SLC6A18: variants seen among roughly 807,000 people sequenced by gnomAD.
The protein encoded by SLC6A18 is solute carrier family 6 member 18, also known as inactive sodium-dependent neutral amino acid transporter B(0)AT3.
Under a neutral mutation model 62.9 loss-of-function variants are expected in SLC6A18, and 58 were observed. That is an observed-to-expected ratio of 0.92 (90% CI 0.75 to 1.15). The LOEUF is 1.15. SLC6A18 is among the 50% of genes most tolerant of loss of function. SLC6A18 has a pLI of 0.00. For missense variants in SLC6A18, 793 were observed against 836.6 expected (o/e 0.95, Z 0.64); for synonymous variants, 382 against 365.8 (o/e 1.04, Z -0.51).
At chr5:1,245,371 T>G (rs1196887997) in intron 11 of SLC6A18, among the ~76,000 whole-genome samples, 1 of 152,064 alleles carries the variant, frequency 6.6e-6, no homozygotes, top group Non-Finnish European at 1.5e-5. Flanking sequence ...ATGCCACCCC[T>G]TCTCGGGAAT....
At chr5:1,227,630 C>T (rs531927443) in intron 1 of SLC6A18, among the ~76,000 whole-genome samples, 1 of 152,342 alleles carries the variant, frequency 6.6e-6, no homozygotes, top group South Asian at 2.1e-4. Flanking sequence ...ATATTATTTG[C>T]TCTCCCATTC....
At chr5:1,239,645 G>C in intron 6 of SLC6A18, 83 bp downstream of exon 6, 1 of 1,091,680 alleles carries the variant, frequency 9.2e-7, no homozygotes, top group Non-Finnish European at 1.4e-6. Context: ...TCACACTGTG[G>C]ATCCAAGGGT....
chr5:1,229,460 C>T (rs1282223600), intron 1 of SLC6A18, among the ~76,000 whole-genome samples: 1 of 152,258 alleles, frequency 6.6e-6, no homozygotes, highest in Non-Finnish European at 1.5e-5. Flanking sequence ...TGACCTCAGC[C>T]TGGTCACCTG....
At position 1,246,048 on chromosome 5, in the gene SLC6A18, G is replaced by T. The variant is rs777309236; in HGVS notation, c.1857G>T (p.Thr619=). ...MRPDTDTRPD[T]DMRPDTDMR is the part of the protein sequence containing the mutation. ...CGGACACGGACACGCGCCCAGACAC[G>T]GACATGCGCCCGGACACGGACATGC... is the stretch of plus-strand genomic sequence containing the variant. The change falls in exon 12 of 12, where the codon ACG becomes ACT. Residue 619 remains threonine, a synonymous_variant. Transcript: ENST00000324642. 44 of 1,590,038 alleles carry T rather than the reference G, an allele frequency of 2.8e-5. No homozygotes were observed. The highest frequency in any genetic ancestry group is 3.6e-5 in the Non-Finnish European group (42 of 1,174,164).
rs774420283 is a variant in SLC6A18 at position 1,244,678 on chromosome 5, G to T, written c.1567G>T (p.Val523Phe). The T allele has an allele frequency of 6.2e-7, 1 of 1,613,048 alleles. No individual in the cohort carries two copies. The highest frequency in any genetic ancestry group is 8.5e-7 in the Non-Finnish European group (1 of 1,179,280). Residue 523 changes from valine (V) to phenylalanine (F), a missense_variant, in exon 11 of 12, where the codon GTC becomes TTC. Val to Phe is a conservative substitution (Grantham distance 50). Coordinates refer to ENST00000324642, the MANE Select transcript of SLC6A18 (RefSeq NM_182632.3). ...CTACTGGCGGCTGACCTGGAGGGTGGTCAGTCCCCTGCTGCTGACCATCTT... is the reference window on the plus strand; with the variant it reads ...CTACTGGCGGCTGACCTGGAGGGTGTTCAGTCCCCTGCTGCTGACCATCTT... Reference protein sequence around the residue: ...SPYWRLTWRVVSPLLLTIFVA... With the variant: ...SPYWRLTWRVFSPLLLTIFVA...
At position 1,233,948 on chromosome 5, in the gene SLC6A18, A is replaced by G. The variant is rs541239402; in HGVS notation, c.439+1060A>G. 1.8e-4 allele frequency among the ~76,000 whole-genome samples: 28 copies of G among 152,148 alleles called. No homozygotes were observed. The East Asian group carries it at 3.7e-3, about 20-fold the overall frequency. ...AGTAGAGACGGGGTTTCACCATGTT[A>G]GCCAGGATGGTCTCGATCTCCTGAC... On this transcript the variant is annotated intron_variant, in intron 3 of 11. Transcript: ENST00000324642.
At chr5:1,238,468 G>A (rs79920675) in intron 5 of SLC6A18, among the ~76,000 whole-genome samples, 33 of 51,606 alleles carry the variant, frequency 6.4e-4, no homozygotes, top group Non-Finnish European at 9.8e-4. Flanking sequence ...CAGGAAAGAG[G>A]TCAGGTTTGG....
chr5:1,236,808 C>T (rs1746894201), intron 4 of SLC6A18, among the ~76,000 whole-genome samples: 1 of 152,016 alleles, frequency 6.6e-6, no homozygotes, highest in African/African-American at 2.4e-5. Context: ...TGTGCAGTGT[C>T]TCAGTGTGCT....
chr5:1,242,419 GCGTC>G (rs1333841795), intron 7 of SLC6A18, among the ~76,000 whole-genome samples: 4 of 89,176 alleles, frequency 4.5e-5, no homozygotes, highest in African/African-American at 1.8e-4. Context: ...GGGGCAGGAG[GCGTC>G]CACACGATCC....
intron 1 of SLC6A18, among the ~76,000 whole-genome samples, chr5:1,226,236 G>A (rs1476580047): frequency 6.6e-6 from 1 of 152,180 alleles, no homozygotes; most frequent in African/African-American, 2.4e-5. Context: ...GACTGAAATA[G>A]GCTCCCACGC....
chr5:1,239,273 G>A (rs963640434), intron 5 of SLC6A18, among the ~76,000 whole-genome samples, 177 bp from the exon 6 acceptor site: 1 of 152,220 alleles, frequency 6.6e-6, no homozygotes, highest in East Asian at 1.9e-4. Context: ...GCCGTGTACA[G>A]AGCTGCCACT....
chr5:1,245,618 T>G (rs947338549), intron 11 of SLC6A18, among the ~76,000 whole-genome samples: 9 of 152,110 alleles, frequency 5.9e-5, no homozygotes, highest in African/African-American at 2.2e-4. Flanking sequence ...TAGGCCTACC[T>G]CGGGGAGGCC....
chr5:1,240,757 C>A, intron 7 of SLC6A18, 98 bp downstream of exon 7: 1 of 1,525,824 alleles, frequency 6.6e-7, no homozygotes, highest in South Asian at 1.2e-5. Context: ...GTGGCGTGGG[C>A]ACATTTCATT....
In SLC6A18 at chr5:1,243,845, G is replaced by T. The variant is rs550462743; in HGVS notation, c.1336+86G>T. 4.6e-5 allele frequency: 60 copies of T among 1,300,514 alleles called. No individual in the cohort carries two copies. The East Asian group carries it at 1.3e-3, about 28-fold the overall frequency. 80.6% of individuals were successfully genotyped at this position (1,300,514 alleles called of 1,614,324 possible). Reference sequence around the variant, plus strand: ...GCCCGCTGTCCAGACGCCCCTCCTGGATGGAGAGCGCAAGGGGCCAAGCCT... The same window carrying T: ...GCCCGCTGTCCAGACGCCCCTCCTGTATGGAGAGCGCAAGGGGCCAAGCCT... On this transcript the variant is annotated intron_variant, in intron 9 of 11. Coordinates refer to ENST00000324642, the MANE Select transcript of SLC6A18 (RefSeq NM_182632.3). The surrounding 1 kb of genome is among the most constrained non-coding windows in gnomAD (Gnocchi z 6.5).
intron 4 of SLC6A18, among the ~76,000 whole-genome samples, chr5:1,237,062 C>A (rs558945721): frequency 6.8e-6 from 1 of 147,972 alleles, no homozygotes; most frequent in Non-Finnish European, 1.5e-5. Context: ...AGTGACACCC[C>A]GTGTCTACTA....
intron 3 of SLC6A18, among the ~76,000 whole-genome samples, chr5:1,234,823 A>T (rs1445345708): frequency 6.6e-6 from 1 of 152,222 alleles, no homozygotes; most frequent in African/African-American, 2.4e-5. Flanking sequence ...GCCCAAGGAC[A>T]GTGTGGAGGG....
chr5:1,240,769 C>T, intron 7 of SLC6A18, 110 bp downstream of exon 7: 1 of 1,465,020 alleles, frequency 6.8e-7, no homozygotes, highest in East Asian at 2.3e-5. Flanking sequence ...CATTTCATTT[C>T]TGTAGGGGTG....
At chr5:1,226,209 C>T (rs1746558138) in intron 1 of SLC6A18, among the ~76,000 whole-genome samples, 1 of 152,198 alleles carries the variant, frequency 6.6e-6, no homozygotes, top group African/African-American at 2.4e-5. Flanking sequence ...ACTCACCACC[C>T]CCAGAAGTGC....
intron 7 of SLC6A18, 101 bp downstream of exon 7, chr5:1,240,760 A>G (rs1747035645): frequency 2.0e-6 from 3 of 1,519,302 alleles, no homozygotes; most frequent in Non-Finnish European, 2.7e-6. Context: ...GCGTGGGCAC[A>G]TTTCATTTCT....
Sources: allele counts gnomAD v4.1 joint callset (sites outside exome capture counted in the v4.1 genomes callset), GRCh38; gene constraint gnomAD v4.1.1; non-coding constraint Gnocchi (gnomAD v3.1); transcripts MANE v1.5; gene names NCBI Gene and HGNC (gene_info 2026-07-23, HGNC 2026-07-21).